The following GDAP1 variants were observed in gnomAD, a reference collection of about 807,000 sequenced individuals.
The protein encoded by GDAP1 is ganglioside-induced differentiation-associated protein 1.
In GDAP1, 34 loss-of-function variants were observed where a neutral mutation model predicts 40.1. That is an observed-to-expected ratio of 0.85 (90% CI 0.64 to 1.13). The LOEUF (loss-of-function observed/expected upper bound fraction) is 1.13, where lower values mean the gene tolerates loss of function less well. Ranked by LOEUF, GDAP1 falls within the 50% of genes most tolerant of loss-of-function variation. The pLI is 0.00. For missense variants in GDAP1, 374 were observed against 433.7 expected, an observed-to-expected ratio of 0.86 and a Z score of 1.22; for synonymous variants, 170 against 157.4, an observed-to-expected ratio of 1.08 and a Z score of -0.60.
At chr8:74,353,333 T>C (rs910945256) in intron 2 of GDAP1, among the ~76,000 whole-genome samples, 2 of 152,174 alleles carry the variant, frequency 1.3e-5, no homozygotes, top group Non-Finnish European at 2.9e-5. Context: ...TGCCACTAAC[T>C]TGTTGAATAT....
intron 2 of GDAP1, among the ~76,000 whole-genome samples, chr8:74,355,150 T>C (rs756876478): frequency 6.6e-6 from 1 of 152,164 alleles, no homozygotes; most frequent in South Asian, 2.1e-4. Flanking sequence ...ATAGTGAATA[T>C]CTGTTGGATA....
chr8:74,463,321 G>C (rs1490729167), intron 2 of GDAP1, among the ~76,000 whole-genome samples: 1 of 149,686 alleles, frequency 6.7e-6, no homozygotes, highest in Non-Finnish European at 1.5e-5. Context: ...AGCGGGATGT[G>C]GTATTGTGCA....
intron 2 of GDAP1, among the ~76,000 whole-genome samples, chr8:74,439,906 TGTAA>T (rs998146043): frequency 2.6e-5 from 4 of 152,262 alleles, no homozygotes; most frequent in Non-Finnish European, 5.9e-5. Flanking sequence ...TCAATTTTTT[TGTAA>T]GTGACACTAT....
chr8:74,455,567 T>G (rs1339309298), intron 2 of GDAP1, among the ~76,000 whole-genome samples: 1 of 151,968 alleles, frequency 6.6e-6, no homozygotes, highest in African/African-American at 2.4e-5. Flanking sequence ...TACTGAGTAT[T>G]TGTTCATTAA....
intron 2 of GDAP1, among the ~76,000 whole-genome samples, chr8:74,443,607 C>A (rs10093795): frequency 0.29 from 44,434 of 151,908 alleles, 6,749 homozygotes; most frequent in Middle Eastern, 0.44. Context: ...TGGAGGGCAG[C>A]ATGAACAACT....
intron 2 of GDAP1, among the ~76,000 whole-genome samples, chr8:74,374,147 A>G (rs562465166): frequency 2.2e-4 from 33 of 152,186 alleles, no homozygotes; most frequent in African/African-American, 7.5e-4. Flanking sequence ...TGTGCTGCTG[A>G]ATTCGGTTTG....
rs1409662199 is a variant in GDAP1, at chr8:74,398,037, A to G, written c.165+46716A>G. 5.6e-4 allele frequency among the ~76,000 whole-genome samples: 85 copies of G among 151,340 alleles called. 1 individual carries two copies. The highest frequency in any genetic ancestry group is 1.0e-3 in the Non-Finnish European group (69 of 67,760). On this transcript the variant is annotated intron_variant, in intron 2 of 2. Transcript: ENST00000523640. ...TGTATCCTCTTTTATTTCATTGAGT[A>G]GTGGTTTGTAGTTCTCCTTGAAGAG... is the stretch of plus-strand genomic sequence containing the variant.
At chr8:74,445,306 C>T (rs949067255) in intron 2 of GDAP1, among the ~76,000 whole-genome samples, 43 of 152,248 alleles carry the variant, frequency 2.8e-4, no homozygotes, top group Non-Finnish European at 5.0e-4. Context: ...TCTTTTATAA[C>T]CTTCTAAACT....
chr8:74,464,125 A>G (rs943892665), intron 2 of GDAP1, among the ~76,000 whole-genome samples: 4 of 152,206 alleles, frequency 2.6e-5, no homozygotes, highest in Non-Finnish European at 5.9e-5. Flanking sequence ...TTCCAGAAGG[A>G]AAGAGAAAAG....
intron 2 of GDAP1, among the ~76,000 whole-genome samples, chr8:74,460,804 T>TGA (rs1806391979): frequency 6.6e-6 from 1 of 150,646 alleles, no homozygotes; most frequent in African/African-American, 2.4e-5. Flanking sequence ...AGAGAGAGAA[T>TGA]GAGAGAGAGG....
intron 2 of GDAP1, among the ~76,000 whole-genome samples, chr8:74,410,276 A>T (rs1250635574): frequency 1.3e-5 from 2 of 149,820 alleles, no homozygotes; most frequent in African/African-American, 2.6e-5. Context: ...AGCAAGAGGA[A>T]ATCTTAAATT....
At chr8:74,355,576 C>A (rs1435377665) in intron 2 of GDAP1, among the ~76,000 whole-genome samples, 1 of 152,122 alleles carries the variant, frequency 6.6e-6, no homozygotes, top group African/African-American at 2.4e-5. Flanking sequence ...ACTAGGTAAA[C>A]TGAGAAAGAA....
At position 74,364,612 on chromosome 8, in the gene GDAP1, A is replaced by G; in HGVS notation, c.*245A>G. 1 of 627,334 alleles carries G rather than the reference A, an allele frequency of 1.6e-6. No individual in the cohort carries two copies. The highest frequency in any genetic ancestry group is 2.9e-6 in the Non-Finnish European group (1 of 339,530). The allele number at this position is 627,334 out of a possible 1,614,324, so 38.9% of individuals were successfully genotyped here. ...AGATAAGAGAAGGAAAAATGAGAGA[A>G]TGAAGTCTGTATAGGGTAGAGCAAT... On this transcript the variant is annotated 3_prime_UTR_variant, in exon 6 of 6. Transcript: ENST00000220822.
intron 2 of GDAP1, among the ~76,000 whole-genome samples, chr8:74,450,269 T>A (rs1285829657): frequency 6.6e-6 from 1 of 151,860 alleles, no homozygotes; most frequent in African/African-American, 2.4e-5. Context: ...ATATAGTCCA[T>A]CTTTGTGAGC....
In GDAP1 at chr8:74,464,854, A is replaced by G. The variant is rs147832065; in HGVS notation, c.166-23824A>G. ...CATCTTAAATTGTAAGTATCTTCCA[A>G]GATACTTACAATTTAAGATATCACC... On this transcript the variant is annotated intron_variant, in intron 2 of 2. Coordinates refer to the GDAP1 transcript ENST00000523640. Among the ~76,000 whole-genome samples the G allele has an allele frequency of 8.6e-3, 1,316 of 152,310 alleles. 16 individuals are homozygous for G. Among genetic ancestry groups the G allele is most frequent in the African/African-American group, 0.03 (1,228 of 41,574 alleles).
At chr8:74,357,544 A>G (rs552122108) in intron 2 of GDAP1, among the ~76,000 whole-genome samples, 9 of 152,128 alleles carry the variant, frequency 5.9e-5, no homozygotes, top group African/African-American at 1.9e-4. Flanking sequence ...CTGTTTATCA[A>G]ATCTTTCTGC....
At chr8:74,382,278 T>G (rs1205472169) in intron 2 of GDAP1, among the ~76,000 whole-genome samples, 2 of 152,054 alleles carry the variant, frequency 1.3e-5, no homozygotes, top group South Asian at 4.1e-4. Flanking sequence ...CATGCTCGTG[T>G]TTTACATTTT....
At chr8:74,355,025 T>C (rs1425234058) in intron 2 of GDAP1, among the ~76,000 whole-genome samples, 1 of 152,220 alleles carries the variant, frequency 6.6e-6, no homozygotes, top group African/African-American at 2.4e-5. Flanking sequence ...TCTAGAAACA[T>C]TTTTCAACTT....
chr8:74,399,490 CAA>C (rs1462034530), intron 2 of GDAP1, among the ~76,000 whole-genome samples: 1 of 148,242 alleles, frequency 6.7e-6, no homozygotes, highest in African/African-American at 2.6e-5. Context: ...TTGATCCTTT[CAA>C]AAAACCAGCT....
Sources: allele counts gnomAD v4.1 joint callset (sites outside exome capture counted in the v4.1 genomes callset), GRCh38; gene constraint gnomAD v4.1.1; transcripts MANE v1.5; gene names NCBI Gene and HGNC (gene_info 2026-07-23, HGNC 2026-07-21).